CDIP1: variants seen among roughly 807,000 people sequenced by gnomAD.
CDIP1 encodes cell death inducing p53 target 1.
Under a neutral mutation model 17.7 loss-of-function variants are expected in CDIP1, and 9 were observed. That is an observed-to-expected ratio of 0.51 (90% confidence interval 0.31 to 0.89). CDIP1 has a LOEUF of 0.89. Ranked by LOEUF, CDIP1 falls within the 40% of genes least tolerant of loss-of-function variation. The pLI is 0.05. For missense variants in CDIP1, 263 were observed against 277.9 expected (o/e 0.95, Z 0.38); for synonymous variants, 117 against 109.5 (o/e 1.07, Z -0.43).
At chr16:4,530,837 C>CA (rs200982598) in intron 1 of CDIP1, among the ~76,000 whole-genome samples, 24 of 149,994 alleles carry the variant, frequency 1.6e-4, no homozygotes, top group African/African-American at 4.2e-4. Context: ...GACTCTGCCT[C>CA]AAAAAAAAAG....
rs2058839171 is a variant in CDIP1 at position 4,512,338 on chromosome 16, ACAAG to A, written c.*230_*233del. On this transcript the variant is annotated 3_prime_UTR_variant, in exon 6 of 6. Coordinates refer to ENST00000567695, the MANE Select transcript of CDIP1 (RefSeq NM_013399.3). This position sits in a 1 kb window ranked among gnomAD's most constrained non-coding sequence, Gnocchi z 4.6. ...CACACACCAAGCAGACCAACAACAC[ACAAG>A]CTCATTGTCAGCCCCCTGCCACCCA... 8.5e-6 allele frequency: 5 copies of A among 588,988 alleles called. No individual in the cohort carries two copies. In the Admixed American group the frequency reaches 1.5e-4, roughly 17 times the overall value. The allele number at this position is 588,988 out of a possible 1,614,324, so 36.5% of individuals were successfully genotyped here.
rs762718101 is a variant in CDIP1, at chr16:4,534,690, GTTTTTTTTTTTT to G, written c.-105+4000_-105+4011del. Reference sequence around the variant, plus strand: ...AGCCTGTGAGGCCGCTGTTTGCATGGTTTTTTTTTTTTTTTTTTTTTTTGGTTTTTGTTTGTT... The same window carrying G: ...AGCCTGTGAGGCCGCTGTTTGCATGGTTTTTTTTTTTGGTTTTTGTTTGTT... On this transcript the variant is annotated intron_variant, in intron 1 of 5. Transcript: ENST00000567695. 8.4e-5 allele frequency among the ~76,000 whole-genome samples: 11 copies of G among 130,402 alleles called. No individual in the cohort carries two copies. The South Asian group carries it at 1.5e-3, about 17-fold the overall frequency. The allele number at this position is 130,402 out of a possible 152,430, so 85.5% of individuals were successfully genotyped here.
chr16:4,537,736 G>C (rs962166716), intron 1 of CDIP1, among the ~76,000 whole-genome samples: 2 of 152,342 alleles, frequency 1.3e-5, no homozygotes, highest in African/African-American at 4.8e-5. Flanking sequence ...AAGAGCCCCA[G>C]GTGGTTCTGA....
At chr16:4,526,959 G>A (rs1277843797) in intron 1 of CDIP1, among the ~76,000 whole-genome samples, 4 of 151,914 alleles carry the variant, frequency 2.6e-5, no homozygotes, top group African/African-American at 7.2e-5. Context: ...CTGTGATATG[G>A]CGGTAGGAGC....
In CDIP1 at chr16:4,513,781, T is replaced by C. The variant is rs1567412448; in HGVS notation, c.156A>G (p.Pro52=). 6.2e-7 allele frequency: 1 copy of C among 1,607,278 alleles called. No individual in the cohort carries two copies. The highest frequency in any genetic ancestry group is 1.3e-5 in the African/African-American group (1 of 74,604). The change falls in exon 4 of 6, where the codon CCA becomes CCG. Residue 52 remains proline, a synonymous_variant. Transcript: ENST00000567695. This position sits in a 1 kb window ranked among gnomAD's most constrained non-coding sequence, Gnocchi z 4.1. ...MPLPPADIGP[P]PYEPPGHPMP... is the part of the protein sequence containing the mutation. ...TTGGGTGACCCGGCGGCTCATAGGGTGGGGGGCCAATGTCCGCAGGGGGCA... is the reference window on the plus strand; with the variant it reads ...TTGGGTGACCCGGCGGCTCATAGGGCGGGGGGCCAATGTCCGCAGGGGGCA...
rs1396376995 is a variant in CDIP1, at chr16:4,514,922, C to G, written c.-104-258G>C. On this transcript the variant is annotated intron_variant, in intron 1 of 5. Transcript: ENST00000567695. This position sits in a 1 kb window ranked among gnomAD's most constrained non-coding sequence, Gnocchi z 5.2. ...CCCTCTGCCTCCCCTCCCACCAGGCCTGAGCTCCCATGCATGAGGACTGGA... is the reference window on the plus strand; with the variant it reads ...CCCTCTGCCTCCCCTCCCACCAGGCGTGAGCTCCCATGCATGAGGACTGGA... 6.5e-6 allele frequency: 1 copy of G among 152,692 alleles called. No homozygotes were observed. Among genetic ancestry groups the G allele is most frequent in the Non-Finnish European group, 1.5e-5 (1 of 68,314 alleles). The allele number at this position is 152,692 out of a possible 1,614,324, so 9.5% of individuals were successfully genotyped here.
chr16:4,514,039 C>CCCCT lies in CDIP1; in HGVS notation c.85+3_85+6dup. 1.3e-6 allele frequency: 2 copies of CCCCT among 1,497,926 alleles called. 1 individual carries two copies. The highest frequency in any genetic ancestry group is 2.6e-5 in the South Asian group (2 of 75,992). 92.8% of individuals were successfully genotyped at this position (1,497,926 alleles called of 1,614,324 possible). On this transcript the variant is annotated splice_region_variant and intron_variant, in intron 3 of 5. Transcript: ENST00000567695. The surrounding 1 kb of genome is among the most constrained non-coding windows in gnomAD (Gnocchi z 5.2). ...AATATGGAGCCTCAGGAACAGTGAC[C>CCCCT]CCCTACCTGGGGTGGGCGGGGCTCC...
chr16:4,523,228 G>A (rs8062952), intron 1 of CDIP1, among the ~76,000 whole-genome samples: 12,011 of 152,230 alleles, frequency 0.079, 788 homozygotes, highest in African/African-American at 0.17. Context: ...TTAAAGACAC[G>A]TCCCTGGCTG....
intron 1 of CDIP1, among the ~76,000 whole-genome samples, chr16:4,537,822 C>T (rs1044250090): frequency 6.6e-6 from 1 of 152,214 alleles, no homozygotes; most frequent in African/African-American, 2.4e-5. Flanking sequence ...TGTTGAGAAG[C>T]CCCCCAAGGA....
rs1415933399 is a variant in CDIP1, at chr16:4,512,523, G to A, written c.*49C>T. On this transcript the variant is annotated 3_prime_UTR_variant, in exon 6 of 6. Coordinates refer to ENST00000567695, the MANE Select transcript of CDIP1 (RefSeq NM_013399.3). This position sits in a 1 kb window ranked among gnomAD's most constrained non-coding sequence, Gnocchi z 4.6. ...GTGACCACTGAGCACAGGGAGCAAA[G>A]CACAGGGGGCCAGACTGACAGGCGG... is the stretch of plus-strand genomic sequence containing the variant. The A allele has an allele frequency of 1.4e-6, 2 of 1,383,002 alleles. No homozygotes were observed. The highest frequency in any genetic ancestry group is 2.8e-5 in the African/African-American group (2 of 70,416). 85.7% of individuals were successfully genotyped at this position (1,383,002 alleles called of 1,614,324 possible). A position where few individuals can be genotyped will look rare whatever the true frequency, so the allele number is the denominator to read the frequency against.
At position 4,512,332 on chromosome 16, in the gene CDIP1, C is replaced by T. The variant is rs1390853411; in HGVS notation, c.*240G>A. 7 of 584,618 alleles carry T rather than the reference C, an allele frequency of 1.2e-5. No individual in the cohort carries two copies. The highest frequency in any genetic ancestry group is 2.2e-5 in the Non-Finnish European group (7 of 324,618). The allele number at this position is 584,618 out of a possible 1,614,324, so 36.2% of individuals were successfully genotyped here. ...CGATCACACACACCAAGCAGACCAA[C>T]AACACACAAGCTCATTGTCAGCCCC... On this transcript the variant is annotated 3_prime_UTR_variant, in exon 6 of 6. Coordinates refer to ENST00000567695, the MANE Select transcript of CDIP1 (RefSeq NM_013399.3). This position sits in a 1 kb window ranked among gnomAD's most constrained non-coding sequence, Gnocchi z 4.6.
chr16:4,512,957 C>T lies in CDIP1; in HGVS notation c.349G>A (p.Val117Ile). 3 of 1,587,198 alleles carry T rather than the reference C, an allele frequency of 1.9e-6. No individual in the cohort carries two copies. The highest frequency in any genetic ancestry group is 1.7e-6 in the Non-Finnish European group (2 of 1,167,606). The change falls in exon 5 of 6, where the codon GTC (valine) becomes ATC (isoleucine). Residue 117 changes from valine (V) to isoleucine (I), a missense_variant. Coordinates refer to ENST00000567695, the MANE Select transcript of CDIP1 (RefSeq NM_013399.3). The surrounding 1 kb of genome is among the most constrained non-coding windows in gnomAD (Gnocchi z 4.6). The part of the protein sequence containing the change: ...GPGGHTATVL[V>I]PSGAATTVTV... ...ACCGTGGTGGCAGCTCCTGAAGGGA[C>T]CAGGACTGTGGCTGTGTGGCCCCCA...
At position 4,513,283 on chromosome 16, in the gene CDIP1, T is replaced by C. The variant is rs1291481445; in HGVS notation, c.242-219A>G. On this transcript the variant is annotated intron_variant, in intron 4 of 5. Transcript: ENST00000567695. This position sits in a 1 kb window ranked among gnomAD's most constrained non-coding sequence, Gnocchi z 4.1. ...CCAGCCCTTCCTGGTCCCCACCCCT[T>C]GGGGCCCATGACAGATGTGGCAGAG... Among the ~76,000 whole-genome samples the C allele has an allele frequency of 6.6e-6, 1 of 152,082 alleles. No homozygotes were observed. Among genetic ancestry groups the C allele is most frequent in the East Asian group, 1.9e-4 (1 of 5,176 alleles).
chr16:4,527,671 A>G (rs2059013915), intron 1 of CDIP1, among the ~76,000 whole-genome samples: 1 of 152,166 alleles, frequency 6.6e-6, no homozygotes, highest in Non-Finnish European at 1.5e-5. Context: ...TATTCGTTCT[A>G]GAGGTAAATG....
In CDIP1 at chr16:4,523,127, G is replaced by A. The variant is rs1048863034; in HGVS notation, c.-104-8463C>T. On this transcript the variant is annotated intron_variant, in intron 1 of 5. Coordinates refer to ENST00000567695, the MANE Select transcript of CDIP1 (RefSeq NM_013399.3). ...GAAGCACAGTCTGTGAGGTGACCAC[G>A]TAACAGAGGCCCTCTAAGGGGAGGG... is the stretch of plus-strand genomic sequence containing the variant. Among the ~76,000 whole-genome samples, 3 of 152,302 alleles carry A rather than the reference G, an allele frequency of 2.0e-5. No homozygotes were observed. The East Asian group carries it at 5.8e-4, about 29-fold the overall frequency.
intron 1 of CDIP1, among the ~76,000 whole-genome samples, chr16:4,524,720 C>T (rs1193244029): frequency 6.6e-6 from 1 of 152,206 alleles, no homozygotes; most frequent in African/African-American, 2.4e-5. Context: ...TGACCACCTC[C>T]CACATCTTCC....
intron 1 of CDIP1, among the ~76,000 whole-genome samples, chr16:4,537,754 G>A (rs934261521): frequency 2.0e-5 from 3 of 152,230 alleles, no homozygotes; most frequent in African/African-American, 7.2e-5. Flanking sequence ...TGACGCAGAG[G>A]ATCTTGAGCC....
Position 4,513,274 on chromosome 16 carries a change from C to A in CDIP1, c.242-210G>T, listed in dbSNP as rs1331373264. Among the ~76,000 whole-genome samples the A allele has an allele frequency of 6.6e-6, 1 of 152,134 alleles. No individual in the cohort carries two copies. Among genetic ancestry groups the A allele is most frequent in the African/African-American group, 2.4e-5 (1 of 41,440 alleles). On this transcript the variant is annotated intron_variant, in intron 4 of 5. Transcript: ENST00000567695. This position sits in a 1 kb window ranked among gnomAD's most constrained non-coding sequence, Gnocchi z 4.1. ...CACATTCTCCCAGCCCTTCCTGGTC[C>A]CCACCCCTTGGGGCCCATGACAGAT...
At chr16:4,534,327 G>A (rs11861254) in intron 1 of CDIP1, among the ~76,000 whole-genome samples, 193 of 152,272 alleles carry the variant, frequency 1.3e-3, no homozygotes, top group African/African-American at 4.5e-3. Flanking sequence ...ACTCCACTGC[G>A]TCCTCAGGAA....
Sources: allele counts gnomAD v4.1 joint callset (sites outside exome capture counted in the v4.1 genomes callset), GRCh38; gene constraint gnomAD v4.1.1; non-coding constraint Gnocchi (gnomAD v3.1); transcripts MANE v1.5; gene names NCBI Gene and HGNC (gene_info 2026-07-23, HGNC 2026-07-21).